The following STRIP1 variants were observed in gnomAD, a reference collection of about 807,000 sequenced individuals.
The protein encoded by STRIP1 is striatin-interacting protein 1.
A neutral mutation model predicts 106.2 loss-of-function variants in STRIP1; 63 were observed. The observed-to-expected ratio is 0.59, with a 90% confidence interval of 0.48 to 0.73. The LOEUF (loss-of-function observed/expected upper bound fraction) is 0.73. Ranked by LOEUF, STRIP1 falls within the 30% of genes least tolerant of loss-of-function variation. STRIP1 has a pLI of 0.00. For synonymous variants in STRIP1, 390 were observed against 413.0 expected, an observed-to-expected ratio of 0.94 and a Z score of 0.67; for missense variants, 857 against 1,074.8, an observed-to-expected ratio of 0.80 and a Z score of 2.83.
chr1:110,046,693 C>T lies in STRIP1; in HGVS notation c.1430C>T (p.Ser477Leu). ...CTCTCCCACCAGCACAAGTACACGT[C>T]GATTGCAGAGGTCCAGGCACAGATG... ...IKTLKQHKYTSIAEVQAQMEE... is the reference protein window; with the variant it reads ...IKTLKQHKYTLIAEVQAQMEE... The change falls in exon 13 of 21, where the codon TCG (serine) becomes TTG (leucine). Residue 477 changes from serine to leucine, a missense_variant. Physicochemically the swap from Ser to Leu is moderately radical, Grantham distance 145. Coordinates refer to ENST00000369795, the MANE Select transcript of STRIP1 (RefSeq NM_033088.4). 10 of 1,613,296 alleles carry T rather than the reference C, an allele frequency of 6.2e-6. No homozygotes were observed. Among genetic ancestry groups the T allele is most frequent in the Non-Finnish European group, 8.5e-6 (10 of 1,179,456 alleles).
intron 20 of STRIP1, among the ~76,000 whole-genome samples, chr1:110,053,160 G>A (rs1457105403): frequency 6.6e-6 from 1 of 152,124 alleles, no homozygotes; most frequent in Non-Finnish European, 1.5e-5. Context: ...CTCTTCTTTC[G>A]CCCACAGTGT....
intron 18 of STRIP1, among the ~76,000 whole-genome samples, 176 bp downstream of exon 18, chr1:110,050,585 G>A (rs1421372161): frequency 6.6e-6 from 1 of 152,260 alleles, no homozygotes; most frequent in Non-Finnish European, 1.5e-5. Context: ...GGCTCTTGCA[G>A]AGCAGAGAGA....
In STRIP1 at chr1:110,051,840, A is replaced by G; in HGVS notation, c.2219A>G (p.Tyr740Cys). The change falls in exon 20 of 21, where the codon TAC (tyrosine) becomes TGC (cysteine). Residue 740 changes from tyrosine to cysteine, a missense_variant. This residue lies in a region of STRIP1 where 750 missense variants were observed against 989.8 expected (regional missense o/e 0.76). Transcript: ENST00000369795. ...KSNMKTMSAI[Y>C]QKVRHRLNDD... ...AACATGAAGACCATGTCTGCCATCT[A>G]CCAGAAGGTGCGGCATCGGCTGAAC... is the stretch of plus-strand genomic sequence containing the variant. The G allele has an allele frequency of 6.2e-7, 1 of 1,613,344 alleles. No homozygotes were observed. Among genetic ancestry groups the G allele is most frequent in the Non-Finnish European group, 8.5e-7 (1 of 1,179,994 alleles).
intron 19 of STRIP1, 82 bp downstream of exon 19, chr1:110,051,142 G>T: frequency 6.7e-6 from 6 of 895,292 alleles, no homozygotes; most frequent in South Asian, 2.7e-5. Context: ...CCAGGGTGGG[G>T]CTCACTGTGC....
chr1:110,049,005 G>A, intron 15 of STRIP1, 107 bp from the exon 16 acceptor site: 2 of 1,324,686 alleles, frequency 1.5e-6, no homozygotes, highest in South Asian at 2.7e-5. Flanking sequence ...TGAGTGGGGA[G>A]GTAGGAGTCT....
At chr1:110,049,312 C>A in intron 16 of STRIP1, 74 bp downstream of exon 16, 2 of 1,605,934 alleles carry the variant, frequency 1.2e-6, no homozygotes, top group South Asian at 1.1e-5. Flanking sequence ...CCCACAAGAA[C>A]GGGGGCCTTG....
At chr1:110,035,591 T>C (rs572976583) in intron 1 of STRIP1, among the ~76,000 whole-genome samples, 42 of 152,226 alleles carry the variant, frequency 2.8e-4, no homozygotes, top group African/African-American at 9.6e-4. Context: ...AAGGAATTCC[T>C]CCCACTGCCT....
chr1:110,040,047 C>G, intron 5 of STRIP1: 1 of 523,526 alleles, frequency 1.9e-6, no homozygotes. Flanking sequence ...TGTGCTAATT[C>G]ATGTTAAGGA....
chr1:110,036,309 C>G lies in STRIP1; in HGVS notation c.180+1492C>G, dbSNP rs186991424. On this transcript the variant is annotated intron_variant, in intron 1 of 20. Coordinates refer to ENST00000369795, the MANE Select transcript of STRIP1 (RefSeq NM_033088.4). Reference sequence around the variant, plus strand: ...CTCTACTAAAAATACAAAAATTAGCCGGGCGTGGTGGCTGGTGCCTGTAAT... The same window carrying G: ...CTCTACTAAAAATACAAAAATTAGCGGGGCGTGGTGGCTGGTGCCTGTAAT... 2.0e-3 allele frequency among the ~76,000 whole-genome samples: 304 copies of G among 152,160 alleles called. 2 individuals carry two copies. The highest frequency in any genetic ancestry group is 6.9e-3 in the African/African-American group (286 of 41,518).
rs1653177500 is a variant in STRIP1 at position 110,049,303 on chromosome 1, C to A, written c.1788+65C>A. The A allele has an allele frequency of 5.0e-6, 8 of 1,610,080 alleles. No individual in the cohort carries two copies. The Admixed American group carries it at 1.3e-4, about 27-fold the overall frequency. On this transcript the variant is annotated intron_variant, in intron 16 of 20. Transcript: ENST00000369795. Reference sequence around the variant, plus strand: ...CCTCGGGCACTGCTGCTCCTCCAGCCCACAAGAACGGGGGCCTTGGCCTTT... The same window carrying A: ...CCTCGGGCACTGCTGCTCCTCCAGCACACAAGAACGGGGGCCTTGGCCTTT...
intron 3 of STRIP1, 41 bp downstream of exon 3, chr1:110,038,798 A>C (rs1214889240): frequency 6.3e-7 from 1 of 1,575,720 alleles, no homozygotes; most frequent in Non-Finnish European, 8.7e-7. Flanking sequence ...TTTGCCCTGC[A>C]TAACGAGAGC....
At chr1:110,045,366 A>G (rs1434365034) in intron 12 of STRIP1, 3 of 389,336 alleles carry the variant, frequency 7.7e-6, no homozygotes, top group African/African-American at 6.2e-5. Flanking sequence ...AGTCCCAGCT[A>G]CTCAAGAGGT....
At chr1:110,038,206 T>G in intron 2 of STRIP1, 1 of 170,924 alleles carries the variant, frequency 5.9e-6, no homozygotes, top group Non-Finnish European at 1.2e-5. Context: ...CCAGTCCCAT[T>G]GTGAGACAGT....
At chr1:110,044,004 G>A (rs1301777299) in intron 10 of STRIP1, 148 bp downstream of exon 10, 2 of 752,788 alleles carry the variant, frequency 2.7e-6, no homozygotes, top group Non-Finnish European at 2.3e-6. Flanking sequence ...AAAGCACCCT[G>A]TGCTGTCCTG....
rs754846462 is a variant in STRIP1 at position 110,039,249 on chromosome 1, G to A, written c.403G>A (p.Val135Ile). 6.2e-7 allele frequency: 1 copy of A among 1,614,250 alleles called. No homozygotes were observed. The highest frequency in any genetic ancestry group is 8.5e-7 in the Non-Finnish European group (1 of 1,180,048). Residue 135 changes from valine (V) to isoleucine (I), a missense_variant, in exon 4 of 21, where the codon GTC (valine) becomes ATC (isoleucine). Val to Ile is a conservative substitution (Grantham distance 29, BLOSUM62 3). Around this residue, in one of 2 missense-constraint regions of STRIP1, gnomAD observed 750 missense variants for 989.8 expected, o/e 0.76. Transcript: ENST00000369795. ...CATGAGGCTCCTGGATGGCTTGGAA[G>A]TCACTGCCAGGGAGAAGAGACTCAA... Reference protein sequence around the residue: ...HAMRLLDGLEVTAREKRLKVA... With the variant: ...HAMRLLDGLEITAREKRLKVA...
intron 17 of STRIP1, 28 bp from the exon 18 acceptor site, chr1:110,050,314 TG>T: frequency 6.2e-7 from 1 of 1,612,844 alleles, no homozygotes; most frequent in East Asian, 2.2e-5. Flanking sequence ...TTGCTCATGG[TG>T]GGCATCTGGT....
intron 5 of STRIP1, among the ~76,000 whole-genome samples, chr1:110,040,242 C>T (rs970913969): frequency 1.3e-5 from 2 of 152,212 alleles, no homozygotes; most frequent in African/African-American, 2.4e-5. Flanking sequence ...AGTGATATGG[C>T]GTGAACTTGG....
Position 110,047,523 on chromosome 1 carries a change from G to T in STRIP1, c.1489-19G>T. On this transcript the variant is annotated intron_variant, in intron 13 of 20. Coordinates refer to ENST00000369795, the MANE Select transcript of STRIP1 (RefSeq NM_033088.4). ...TATTCTGGGCTGGGGTTTTATGCTT[G>T]TACTCATTATGTTAAAAGGGAGAAG... 1 of 1,601,668 alleles carries T rather than the reference G, an allele frequency of 6.2e-7. No homozygotes were observed. The highest frequency in any genetic ancestry group is 8.5e-7 in the Non-Finnish European group (1 of 1,172,118).
chr1:110,038,060 T>G, intron 2 of STRIP1, 100 bp downstream of exon 2: 1 of 381,542 alleles, frequency 2.6e-6, no homozygotes, highest in Middle Eastern at 6.5e-4. Context: ...TTGCTTTCCC[T>G]AGTTCTATCA....
Sources: gnomAD v4.1 joint callset for allele counts (sites outside exome capture counted in the v4.1 genomes callset) on GRCh38, gnomAD v4.1.1 for gene constraint, gnomAD v4.1.1 regional missense constraint, MANE v1.5 for transcripts, NCBI Gene and HGNC (gene_info 2026-07-23, HGNC 2026-07-21) for gene names.